The following CCSER1 variants were observed in gnomAD, a reference collection of about 807,000 sequenced individuals.
The protein encoded by CCSER1 is serine-rich coiled-coil domain-containing protein 1.
A neutral mutation model predicts 82.0 loss-of-function variants in CCSER1; 41 were observed. The ratio of observed to expected loss-of-function variants is 0.50; its 90% confidence interval spans 0.39 to 0.65. The LOEUF is 0.65. Among genes scored for constraint, CCSER1 ranks in the 30% least tolerant of loss-of-function variants. The probability of loss-of-function intolerance (pLI) is 0.00; values close to 1 mark genes in which losing one functional copy is unlikely to be tolerated. For missense variants in CCSER1, 1,119 were observed against 1,064.2 expected (o/e 1.05, Z -0.72); for synonymous variants, 414 against 383.9 (o/e 1.08, Z -0.92).
intron 10 of CCSER1, among the ~76,000 whole-genome samples, chr4:91,109,619 G>A (rs1166008832): frequency 6.6e-6 from 1 of 152,122 alleles, no homozygotes; most frequent in Non-Finnish European, 1.5e-5. Context: ...ACAGGTGATA[G>A]TCATGTTGAA....
At chr4:91,434,322 C>T (rs868714328) in intron 10 of CCSER1, among the ~76,000 whole-genome samples, 15 of 151,760 alleles carry the variant, frequency 9.9e-5, no homozygotes, top group Admixed American at 5.9e-4. Context: ...TATGGAAAAA[C>T]GGCGTAGCAA....
At chr4:90,411,576 C>T (rs1754811030) in intron 4 of CCSER1, among the ~76,000 whole-genome samples, 1 of 152,218 alleles carries the variant, frequency 6.6e-6, no homozygotes, top group Admixed American at 6.5e-5. Flanking sequence ...TTCAACAACA[C>T]TTCGTGCTAA....
At chr4:90,709,219 T>C (rs1465581230) in intron 6 of CCSER1, among the ~76,000 whole-genome samples, 2 of 152,190 alleles carry the variant, frequency 1.3e-5, no homozygotes, top group Admixed American at 6.6e-5. Flanking sequence ...ATAGAAATTA[T>C]TATATACATT....
rs528785211 is a variant in CCSER1 at position 90,702,127 on chromosome 4, T to C, written c.1933-21787T>C. On this transcript the variant is annotated intron_variant, in intron 6 of 10. Coordinates refer to ENST00000509176, the MANE Select transcript of CCSER1 (RefSeq NM_001145065.2). ...CTGTGGGTTTGTCATAAATAGCTCT[T>C]ATTATTTTGAGATATGTCCCATCAA... Among the ~76,000 whole-genome samples the C allele has an allele frequency of 1.2e-4, 18 of 152,300 alleles. No homozygotes were observed. In the South Asian group the frequency reaches 3.1e-3, roughly 26 times the overall value.
chr4:91,410,270 C>A (rs1466237788), intron 10 of CCSER1, among the ~76,000 whole-genome samples: 1 of 152,040 alleles, frequency 6.6e-6, no homozygotes, highest in Non-Finnish European at 1.5e-5. Flanking sequence ...ATATTCAAAT[C>A]CAAGATTTTT....
chr4:90,431,880 T>A (rs973993654), intron 4 of CCSER1, among the ~76,000 whole-genome samples: 2 of 152,098 alleles, frequency 1.3e-5, no homozygotes, highest in Non-Finnish European at 2.9e-5. Context: ...TCCACTAGCC[T>A]TGGACAGCTG....
chr4:91,431,180 G>T lies in CCSER1; in HGVS notation c.2218-167392G>T, dbSNP rs2149393444. Among the ~76,000 whole-genome samples, 2 of 152,274 alleles carry T rather than the reference G, an allele frequency of 1.3e-5. 1 individual carries two copies. The highest frequency in any genetic ancestry group is 6.8e-3 in the Middle Eastern group (2 of 294). ...GAACCCGGGAGGCGGAACTTAGAGT[G>T]AGCGGAGATGGCGCCAATGCACTCC... On this transcript the variant is annotated intron_variant, in intron 10 of 10. Coordinates refer to ENST00000509176, the MANE Select transcript of CCSER1 (RefSeq NM_001145065.2).
At position 91,474,787 on chromosome 4, in the gene CCSER1, GTATATA is replaced by G. The variant is rs764572024; in HGVS notation, c.2218-123764_2218-123759del. On this transcript the variant is annotated intron_variant, in intron 10 of 10. Transcript: ENST00000509176. ...TGTGTGTATATATATATATATTTGT[GTATATA>G]TATATATATATATATATATACACAC... 9.1e-3 allele frequency among the ~76,000 whole-genome samples: 1,233 copies of G among 135,140 alleles called. 10 individuals carry two copies. Among genetic ancestry groups the G allele is most frequent in the African/African-American group, 0.023 (854 of 36,550 alleles). 88.7% of individuals were successfully genotyped at this position (135,140 alleles called of 152,430 possible). A position where few individuals can be genotyped will look rare whatever the true frequency, so the allele number is the denominator to read the frequency against.
At chr4:91,071,345 A>G (rs771920267) in intron 9 of CCSER1, among the ~76,000 whole-genome samples, 14 of 152,196 alleles carry the variant, frequency 9.2e-5, no homozygotes, top group Admixed American at 3.9e-4. Flanking sequence ...AGATTGTAAT[A>G]TTAAATAGAG....
chr4:91,574,484 G>A (rs1763344752), intron 10 of CCSER1, among the ~76,000 whole-genome samples: 1 of 151,982 alleles, frequency 6.6e-6, no homozygotes, highest in African/African-American at 2.4e-5. Flanking sequence ...CAAAGACATG[G>A]AATCTATCTA....
intron 3 of CCSER1, among the ~76,000 whole-genome samples, chr4:90,367,207 A>G (rs1746430613): frequency 2.0e-5 from 3 of 148,468 alleles, no homozygotes; most frequent in Non-Finnish European, 4.4e-5. Context: ...TTCTGGAAGC[A>G]ATGACAAATA....
chr4:90,827,168 G>C (rs1179401705), intron 8 of CCSER1, among the ~76,000 whole-genome samples: 1 of 152,154 alleles, frequency 6.6e-6, no homozygotes, highest in African/African-American at 2.4e-5. Flanking sequence ...GCAGTTTCTG[G>C]GAATAGGCAG....
intron 5 of CCSER1, among the ~76,000 whole-genome samples, chr4:90,544,108 C>G (rs996058867): frequency 6.6e-6 from 1 of 152,042 alleles, no homozygotes; most frequent in Non-Finnish European, 1.5e-5. Context: ...GATGCCTGCA[C>G]GTGTGAGGGG....
At chr4:90,944,504 G>A (rs570608615) in intron 9 of CCSER1, among the ~76,000 whole-genome samples, 18 of 152,204 alleles carry the variant, frequency 1.2e-4, no homozygotes, top group Non-Finnish European at 2.4e-4. Flanking sequence ...TCTTTCATTC[G>A]ACATTGAACA....
At chr4:90,915,312 C>T (rs528696287) in intron 8 of CCSER1, among the ~76,000 whole-genome samples, 2 of 152,274 alleles carry the variant, frequency 1.3e-5, no homozygotes, top group Non-Finnish European at 2.9e-5. Flanking sequence ...AAAAGCTTAT[C>T]CACCATGATC....
intron 10 of CCSER1, among the ~76,000 whole-genome samples, chr4:91,245,534 A>G (rs1489201439): frequency 6.6e-6 from 1 of 152,184 alleles, no homozygotes; most frequent in African/African-American, 2.4e-5. Context: ...CCCTAGAATG[A>G]TACAACCAAT....
chr4:90,468,519 T>A, intron 5 of CCSER1, 165 bp downstream of exon 5: 1 of 556,600 alleles, frequency 1.8e-6, no homozygotes, highest in East Asian at 3.3e-5. Context: ...AATTAACTTC[T>A]GTGTCTCCTA....
intron 8 of CCSER1, among the ~76,000 whole-genome samples, 164 bp from the exon 9 acceptor site, chr4:90,923,206 A>C (rs959367339): frequency 3.9e-5 from 6 of 152,176 alleles, no homozygotes; most frequent in African/African-American, 1.2e-4. Context: ...TAAAAATTAA[A>C]GCTCTAAATA....
Position 90,199,954 on chromosome 4 carries a change from A to G in CCSER1, c.-42+72123A>G, listed in dbSNP as rs146513335. ...AATTAAGTGGAAGAGTTAAGGTTCC[A>G]ATTTATGGTGTTTACTCCAATGCAA... On this transcript the variant is annotated intron_variant, in intron 1 of 10. Transcript: ENST00000509176. 3.0e-4 allele frequency among the ~76,000 whole-genome samples: 45 copies of G among 152,122 alleles called. 1 individual carries two copies. Among genetic ancestry groups the G allele is most frequent in the Middle Eastern group, 3.4e-3 (1 of 294 alleles).
Sources: allele counts gnomAD v4.1 joint callset (sites outside exome capture counted in the v4.1 genomes callset), GRCh38; gene constraint gnomAD v4.1.1; transcripts MANE v1.5; gene names NCBI Gene and HGNC (gene_info 2026-07-23, HGNC 2026-07-21).